Variants in IREB2 observed in about 807,000 individuals in gnomAD.
IREB2 encodes the protein iron-responsive element-binding protein 2.
A neutral mutation model predicts 118.8 loss-of-function variants in IREB2; 39 were observed. The ratio of observed to expected loss-of-function variants is 0.33; its 90% CI spans 0.25 to 0.43. The LOEUF (loss-of-function observed/expected upper bound fraction) is 0.43, where lower values mean the gene tolerates loss of function less well. Ranked by LOEUF, IREB2 falls within the 20% of genes least tolerant of loss-of-function variation. IREB2 has a pLI of 1.00. For synonymous variants in IREB2, 372 were observed against 392.2 expected (o/e 0.95, Z 0.61); for missense variants, 900 against 1,147.3 (o/e 0.78, Z 3.11).
intron 2 of IREB2, among the ~76,000 whole-genome samples, chr15:78,460,941 C>T (rs2051186696): frequency 6.6e-6 from 1 of 152,048 alleles, no homozygotes; most frequent in Non-Finnish European, 1.5e-5. Context: ...GTTTGACATG[C>T]CCTTCTAGGT....
chr15:78,489,598 C>CT (rs1316937492), intron 16 of IREB2, among the ~76,000 whole-genome samples: 2 of 152,168 alleles, frequency 1.3e-5, no homozygotes, highest in African/African-American at 4.8e-5. Context: ...TCACTGCAGC[C>CT]TTAACCTCCT....
intron 6 of IREB2, among the ~76,000 whole-genome samples, chr15:78,471,334 T>C (rs1342650716): frequency 3.9e-5 from 6 of 152,232 alleles, no homozygotes; most frequent in Admixed American, 1.3e-4. Context: ...AAAGGTTTTA[T>C]AGTAGTAGAA....
chr15:78,478,931 T>C (rs1222067395), intron 10 of IREB2, among the ~76,000 whole-genome samples: 2 of 152,042 alleles, frequency 1.3e-5, no homozygotes, highest in East Asian at 3.9e-4. Context: ...CAATAAGGGG[T>C]AGCTAATCTT....
At chr15:78,482,855 C>G (rs2051598236) in intron 10 of IREB2, among the ~76,000 whole-genome samples, 1 of 151,800 alleles carries the variant, frequency 6.6e-6, no homozygotes, top group African/African-American at 2.4e-5. Flanking sequence ...TCACGCCATT[C>G]CCCTGCCTCA....
Position 78,495,334 on chromosome 15 carries a change from T to G in IREB2, c.2595+1070T>G, listed in dbSNP as rs573689794. Among the ~76,000 whole-genome samples, 20 of 152,296 alleles carry G rather than the reference T, an allele frequency of 1.3e-4. No homozygotes were observed. The South Asian group carries it at 3.9e-3, about 30-fold the overall frequency. Reference sequence around the variant, plus strand: ...TATAGGTTATTTTTATCCTGGAAATTGTTTTAGTGTTTGTTTTTGATGTTG... The same window carrying G: ...TATAGGTTATTTTTATCCTGGAAATGGTTTTAGTGTTTGTTTTTGATGTTG... On this transcript the variant is annotated intron_variant, in intron 20 of 21. Transcript: ENST00000258886.
chr15:78,495,910 G>GA (rs1340093279), intron 20 of IREB2, among the ~76,000 whole-genome samples: 2 of 152,158 alleles, frequency 1.3e-5, no homozygotes, highest in South Asian at 2.1e-4. Context: ...AGACAGTGGA[G>GA]AAAAAAGTTG....
At chr15:78,496,154 T>C (rs1351911267) in intron 20 of IREB2, among the ~76,000 whole-genome samples, 3 of 152,242 alleles carry the variant, frequency 2.0e-5, no homozygotes, top group African/African-American at 4.8e-5. Context: ...ATTCTGCGGT[T>C]TCAGCATTGT....
At chr15:78,437,557 A>G (rs1176751331), upstream of IREB2, 2 of 152,612 alleles carry the variant, frequency 1.3e-5, no homozygotes, top group Admixed American at 1.3e-4. Flanking sequence ...GGTGGGGGAG[A>G]GCCGAGTATG....
intron 2 of IREB2, 64 bp from the exon 3 acceptor site, chr15:78,462,858 C>T: frequency 8.0e-7 from 1 of 1,256,086 alleles, no homozygotes; most frequent in Non-Finnish European, 1.1e-6. Context: ...TTTGCTATGG[C>T]ATTTTAAAAA....
intron 8 of IREB2, chr15:78,475,450 T>C (rs1045698026): frequency 4.6e-5 from 7 of 152,222 alleles, no homozygotes; most frequent in Non-Finnish European, 1.0e-4. Flanking sequence ...GAAAAATGTT[T>C]ATAGCCAATA....
chr15:78,483,380 T>G lies in IREB2; in HGVS notation c.1359T>G (p.Asp453Glu). 6.2e-7 allele frequency: 1 copy of G among 1,609,966 alleles called. No homozygotes were observed. The highest frequency in any genetic ancestry group is 8.5e-7 in the Non-Finnish European group (1 of 1,176,256). ...PSVSGPKRPQ[D>E]RVAVTDMKSD... is the part of the protein sequence containing the mutation. ...TTAGTGGTCCAAAAAGACCTCAGGA[T>G]AGAGTTGCTGTGACAGATATGAAAA... The change falls in exon 11 of 22, where the codon GAT becomes GAG. Residue 453 changes from aspartate to glutamate, a missense_variant. Asp to Glu is a conservative substitution (Grantham distance 45). Coordinates refer to ENST00000258886, the MANE Select transcript of IREB2 (RefSeq NM_004136.4).
At chr15:78,491,203 A>G (rs1310109457) in intron 18 of IREB2, among the ~76,000 whole-genome samples, 2 of 152,190 alleles carry the variant, frequency 1.3e-5, no homozygotes, top group Non-Finnish European at 1.5e-5. Flanking sequence ...GATATGTACA[A>G]ATCAAAAGAC....
intron 2 of IREB2, among the ~76,000 whole-genome samples, chr15:78,454,639 C>G (rs979719794): frequency 6.6e-6 from 1 of 152,194 alleles, no homozygotes; most frequent in Non-Finnish European, 1.5e-5. Context: ...AAATCATACA[C>G]TTGGAAAGGA....
Position 78,447,827 on chromosome 15 carries a change from A to AGGTATCACAGAACGAGGCTGAGGCAG in IREB2, c.106+7947_106+7972dup, listed in dbSNP as rs1463869792. Among the ~76,000 whole-genome samples, 30 of 152,246 alleles carry AGGTATCACAGAACGAGGCTGAGGCAG rather than the reference A, an allele frequency of 2.0e-4. 1 individual carries two copies. In the East Asian group the frequency reaches 3.9e-3, roughly 20 times the overall value. On this transcript the variant is annotated intron_variant, in intron 2 of 21. Transcript: ENST00000258886. Reference sequence around the variant, plus strand: ...CTGCCTTCTCCCTAAGTCAAGTTCAAGGTATCACAGAACGAGGCTGAGGCA... The same window carrying AGGTATCACAGAACGAGGCTGAGGCAG: ...CTGCCTTCTCCCTAAGTCAAGTTCAAGGTATCACAGAACGAGGCTGAGGCAGGGTATCACAGAACGAGGCTGAGGCA...
intron 2 of IREB2, among the ~76,000 whole-genome samples, chr15:78,456,778 A>T (rs2051112673): frequency 6.6e-6 from 1 of 152,158 alleles, no homozygotes; most frequent in Non-Finnish European, 1.5e-5. Flanking sequence ...GTTAAATTAT[A>T]ACTAAAACAG....
intron 5 of IREB2, among the ~76,000 whole-genome samples, chr15:78,467,192 C>T (rs753085291): frequency 1.4e-4 from 16 of 115,442 alleles, no homozygotes; most frequent in Admixed American, 1.0e-3. Context: ...CTGGGTGTGA[C>T]GGAGTGAGAC....
intron 18 of IREB2, among the ~76,000 whole-genome samples, chr15:78,491,620 C>G (rs1334849078): frequency 1.3e-5 from 2 of 152,170 alleles, no homozygotes; most frequent in African/African-American, 2.4e-5. Flanking sequence ...ACCTCAGCCT[C>G]CCAACTAGCT....
chr15:78,488,733 A>G lies in IREB2; in HGVS notation c.2038A>G (p.Ile680Val), dbSNP rs369009499. The G allele has an allele frequency of 2.2e-5, 35 of 1,557,572 alleles. No homozygotes were observed. Among genetic ancestry groups the G allele is most frequent in the Non-Finnish European group, 2.9e-5 (33 of 1,129,758 alleles). ...TCATCGAGTAGAGGAAGAACATGTT[A>G]TACTATCCATGTTTAAAGCATTAAA... ...EVHRVEEEHV[I>V]LSMFKALKDK... The change falls in exon 16 of 22, where the codon ATA becomes GTA. Residue 680 changes from isoleucine (I) to valine (V), a missense_variant. Ile to Val is a conservative substitution (Grantham distance 29, BLOSUM62 3). Coordinates refer to ENST00000258886, the MANE Select transcript of IREB2 (RefSeq NM_004136.4).
rs752927502 is a variant in IREB2, at chr15:78,485,867, T to C, written c.1709+27T>C. On this transcript the variant is annotated intron_variant, in intron 13 of 21. Transcript: ENST00000258886. ...TAAGTAACAGCTATCGCACTTCATA[T>C]TGATATTGGTGTTCAGTAGGTACTG... 1.9e-6 allele frequency: 3 copies of C among 1,601,114 alleles called. No homozygotes were observed. In the South Asian group the frequency reaches 3.3e-5, roughly 18 times the overall value.
Sources: gnomAD v4.1 joint callset for allele counts (sites outside exome capture counted in the v4.1 genomes callset) on GRCh38, gnomAD v4.1.1 for gene constraint, MANE v1.5 for transcripts, NCBI Gene and HGNC (gene_info 2026-07-23, HGNC 2026-07-21) for gene names.